LUZP2: variants seen among roughly 807,000 people sequenced by gnomAD.
LUZP2 encodes leucine zipper protein 2.
In LUZP2, 52 loss-of-function variants were observed where a neutral mutation model predicts 51.6. The ratio of observed to expected loss-of-function variants is 1.01; its 90% CI spans 0.81 to 1.27. The LOEUF is 1.27. LUZP2 is among the 50% of genes most tolerant of loss of function. The pLI is 0.00. For synonymous variants in LUZP2, 154 were observed against 137.3 expected, an observed-to-expected ratio of 1.12 and a Z score of -0.85; for missense variants, 436 against 395.4, an observed-to-expected ratio of 1.10 and a Z score of -0.87.
chr11:24,959,933 C>G (rs1169573779), intron 7 of LUZP2, among the ~76,000 whole-genome samples: 1 of 152,128 alleles, frequency 6.6e-6, no homozygotes, highest in African/African-American at 2.4e-5. Context: ...CCATCAATAC[C>G]TAATTTATTG....
At chr11:24,968,497 T>C (rs918557067) in intron 7 of LUZP2, among the ~76,000 whole-genome samples, 3 of 152,120 alleles carry the variant, frequency 2.0e-5, no homozygotes, top group African/African-American at 7.2e-5. Context: ...AGTTTATGGG[T>C]GTCTCTGGAG....
At chr11:24,625,823 G>A (rs1854658141) in intron 1 of LUZP2, among the ~76,000 whole-genome samples, 2 of 152,132 alleles carry the variant, frequency 1.3e-5, no homozygotes, top group Non-Finnish European at 2.9e-5. Context: ...TAGATTAGCT[G>A]AATGGCATGG....
intron 1 of LUZP2, among the ~76,000 whole-genome samples, chr11:24,682,535 G>A (rs1856769070): frequency 7.1e-6 from 1 of 140,622 alleles, no homozygotes; most frequent in Admixed American, 7.1e-5. Context: ...AGTAGGTTCA[G>A]TGTGTATATG....
chr11:24,778,273 G>A (rs1386204025), intron 5 of LUZP2, among the ~76,000 whole-genome samples: 7 of 151,908 alleles, frequency 4.6e-5, no homozygotes, highest in Non-Finnish European at 7.4e-5. Context: ...AAAATCAGCC[G>A]GGCATCGTGA....
chr11:24,708,142 A>C (rs1384997651), intron 1 of LUZP2, among the ~76,000 whole-genome samples: 1 of 152,188 alleles, frequency 6.6e-6, no homozygotes, highest in East Asian at 1.9e-4. Flanking sequence ...GGAGGAAGTT[A>C]AGTTTAAAAG....
At chr11:24,952,949 T>C (rs1855117944) in intron 7 of LUZP2, among the ~76,000 whole-genome samples, 1 of 151,720 alleles carries the variant, frequency 6.6e-6, no homozygotes, top group Non-Finnish European at 1.5e-5. Flanking sequence ...TTTCCTAGAG[T>C]TTTTCTTTCT....
chr11:24,773,288 A>T (rs1848804952), intron 5 of LUZP2, among the ~76,000 whole-genome samples: 1 of 152,196 alleles, frequency 6.6e-6, no homozygotes, highest in Non-Finnish European at 1.5e-5. Context: ...AAATTAAGTA[A>T]AACAATCGCT....
intron 7 of LUZP2, among the ~76,000 whole-genome samples, chr11:24,930,158 CT>C (rs1390900134): frequency 2.0e-5 from 3 of 152,118 alleles, no homozygotes; most frequent in African/African-American, 7.2e-5. Flanking sequence ...ATAGTAGATA[CT>C]TGGTTGGTGA....
At chr11:24,654,182 T>G (rs1855725831) in intron 1 of LUZP2, among the ~76,000 whole-genome samples, 1 of 152,172 alleles carries the variant, frequency 6.6e-6, no homozygotes, top group African/African-American at 2.4e-5. Flanking sequence ...AATATATAGA[T>G]ACATAAGCCA....
intron 1 of LUZP2, among the ~76,000 whole-genome samples, chr11:24,587,778 G>A (rs1183085156): frequency 6.6e-6 from 1 of 151,740 alleles, no homozygotes; most frequent in Admixed American, 6.6e-5. Context: ...AGTCTAGACA[G>A]TTTTTTTTAA....
At chr11:24,508,917 C>T (rs2133770669) in intron 1 of LUZP2, among the ~76,000 whole-genome samples, 1 of 152,174 alleles carries the variant, frequency 6.6e-6, no homozygotes, top group African/African-American at 2.4e-5. Flanking sequence ...ATTTAATAGA[C>T]ATAAGACTCA....
intron 3 of LUZP2, 33 bp from the exon 4 acceptor site, chr11:24,738,188 T>C (rs1268920341): frequency 7.3e-7 from 1 of 1,375,742 alleles, no homozygotes; most frequent in Non-Finnish European, 1.0e-6. Flanking sequence ...TTATATTATT[T>C]TCTCACTTAT....
chr11:25,081,988 T>C lies in LUZP2; in HGVS notation c.*3330T>C, dbSNP rs1453067430. On this transcript the variant is annotated 3_prime_UTR_variant, in exon 12 of 12. Transcript: ENST00000336930. The stretch of plus-strand genomic sequence containing the variant: ...ATTAGAAATTTCTTTTGGCTTTGTG[T>C]TTTTTTAATGTGCGTTAAATATGTA... 1 of 152,024 alleles carries C rather than the reference T, an allele frequency of 6.6e-6. No individual in the cohort carries two copies. The highest frequency in any genetic ancestry group is 1.5e-5 in the Non-Finnish European group (1 of 67,998). 9.4% of individuals were successfully genotyped at this position (152,024 alleles called of 1,614,324 possible). A position where few individuals can be genotyped will look rare whatever the true frequency, so the allele number is the denominator to read the frequency against.
At chr11:25,040,232 G>A (rs1347726033) in intron 9 of LUZP2, among the ~76,000 whole-genome samples, 2 of 151,476 alleles carry the variant, frequency 1.3e-5, no homozygotes, top group Non-Finnish European at 2.9e-5. Context: ...TTTTCTCAAA[G>A]CAATGACTTG....
intron 5 of LUZP2, among the ~76,000 whole-genome samples, chr11:24,883,057 A>G (rs1410141519): frequency 6.6e-6 from 1 of 152,038 alleles, no homozygotes; most frequent in East Asian, 1.9e-4. Context: ...TTCTAAGACC[A>G]GTGGGAAAAT....
chr11:24,962,914 T>C (rs1263074171), intron 7 of LUZP2, among the ~76,000 whole-genome samples: 2 of 152,186 alleles, frequency 1.3e-5, no homozygotes, highest in African/African-American at 4.8e-5. Context: ...TGGTCTTTGA[T>C]GATGGTGATG....
chr11:24,618,408 A>T (rs1235303742), intron 1 of LUZP2, among the ~76,000 whole-genome samples: 1 of 152,138 alleles, frequency 6.6e-6, no homozygotes, highest in Non-Finnish European at 1.5e-5. Flanking sequence ...AGTGGAGGTC[A>T]GACTGCCTAC....
chr11:25,031,252 C>T (rs1233658090), intron 9 of LUZP2, among the ~76,000 whole-genome samples: 6 of 151,162 alleles, frequency 4.0e-5, no homozygotes, highest in Non-Finnish European at 5.9e-5. Context: ...CCTTGTGATC[C>T]ACCTGCCTCG....
chr11:24,967,704 A>C (rs1855629525), intron 7 of LUZP2, among the ~76,000 whole-genome samples: 1 of 151,324 alleles, frequency 6.6e-6, no homozygotes, highest in Non-Finnish European at 1.5e-5. Context: ...TAGAATTTTC[A>C]TTTGCTTTTA....
Sources: allele counts gnomAD v4.1 joint callset (sites outside exome capture counted in the v4.1 genomes callset), GRCh38; gene constraint gnomAD v4.1.1; transcripts MANE v1.5; gene names NCBI Gene and HGNC (gene_info 2026-07-23, HGNC 2026-07-21).